The following SMCR8 variants were observed in gnomAD, a reference collection of about 807,000 sequenced individuals.
SMCR8 encodes SMCR8-C9orf72 complex subunit.
A neutral mutation model predicts 56.6 loss-of-function variants in SMCR8; 30 were observed. The observed-to-expected ratio is 0.53, with a 90% CI of 0.40 to 0.72. The LOEUF (loss-of-function observed/expected upper bound fraction) is 0.72, where lower values mean the gene tolerates loss of function less well. Ranked by LOEUF, SMCR8 falls within the 30% of genes least tolerant of loss-of-function variation. SMCR8 has a pLI of 0.00. For synonymous variants in SMCR8, 538 were observed against 456.0 expected (o/e 1.18, Z -2.29); for missense variants, 1,198 against 1,157.0 (o/e 1.04, Z -0.51).
At chr17:18,321,438 C>T (rs1345076361) in intron 1 of SMCR8, among the ~76,000 whole-genome samples, 2 of 152,204 alleles carry the variant, frequency 1.3e-5, no homozygotes, top group Admixed American at 6.5e-5. Flanking sequence ...CCCCACTGGT[C>T]AGTGCTAGGC....
intron 1 of SMCR8, among the ~76,000 whole-genome samples, chr17:18,318,729 C>G (rs1002913258): frequency 3.3e-5 from 5 of 152,164 alleles, no homozygotes; most frequent in Admixed American, 2.0e-4. Flanking sequence ...TCATGGATTC[C>G]TGAGTCACAA....
chr17:18,322,731 C>T lies in SMCR8; in HGVS notation c.2475C>T (p.Thr825=), dbSNP rs1449258399. The T allele has an allele frequency of 6.2e-7, 1 of 1,614,212 alleles. No individual in the cohort carries two copies. The highest frequency in any genetic ancestry group is 8.5e-7 in the Non-Finnish European group (1 of 1,180,024). Residue 825 remains threonine, a synonymous_variant, in exon 2 of 2, where the codon ACC becomes ACT. Coordinates refer to ENST00000406438, the MANE Select transcript of SMCR8 (RefSeq NM_144775.3). ...TGCGCTGCCCCCTTTACAGAGGCAC[C>T]CTGGTGCCCCGCCTGGCAGACCACC... ...KTLRCPLYRG[T]LVPRLADHRT... is the part of the protein sequence containing the mutation.
In SMCR8 at chr17:18,327,237, AAGG is replaced by A. The variant is rs1366921728; in HGVS notation, c.*4177_*4179del. On this transcript the variant is annotated 3_prime_UTR_variant, in exon 2 of 2. Coordinates refer to ENST00000406438, the MANE Select transcript of SMCR8 (RefSeq NM_144775.3). The stretch of plus-strand genomic sequence containing the variant: ...ATTAAGGTTTGGTTAAAGCAGTGGA[AAGG>A]AGGAGGAGGCAGGGGTGGATGGGGG... 2.0e-5 allele frequency: 3 copies of A among 149,780 alleles called. No individual in the cohort carries two copies. In the East Asian group the frequency reaches 6.2e-4, roughly 31 times the overall value. 9.3% of individuals were successfully genotyped at this position (149,780 alleles called of 1,614,324 possible).
intron 1 of SMCR8, 67 bp downstream of exon 1, chr17:18,318,216 A>G (rs1054881991): frequency 2.0e-5 from 30 of 1,465,244 alleles, no homozygotes; most frequent in Non-Finnish European, 2.7e-5. Context: ...GGTGTGGTGG[A>G]GCCAGAATCA....
At chr17:18,321,022 G>C (rs890602955) in intron 1 of SMCR8, among the ~76,000 whole-genome samples, 4 of 152,214 alleles carry the variant, frequency 2.6e-5, no homozygotes, top group African/African-American at 7.2e-5. Context: ...TGCAGGACAA[G>C]AGTTCTAGGT....
Position 18,316,075 on chromosome 17 carries a change from T to C in SMCR8, c.286T>C (p.Ser96Pro). The C allele has an allele frequency of 6.2e-7, 1 of 1,614,194 alleles. No homozygotes were observed. Among genetic ancestry groups the C allele is most frequent in the Non-Finnish European group, 8.5e-7 (1 of 1,180,036 alleles). ...CAATTACTTCTCCCTGCGTATCATG[T>C]CTGTGGATTACCAGGCTTCCTTCGT... The part of the protein sequence containing the change: ...DLNYFSLRIM[S>P]VDYQASFVGH... The change falls in exon 1 of 2, where the codon TCT becomes CCT. Residue 96 changes from serine to proline, a missense_variant. Coordinates refer to ENST00000406438, the MANE Select transcript of SMCR8 (RefSeq NM_144775.3).
Position 18,316,607 on chromosome 17 carries a change from A to T in SMCR8, c.818A>T (p.His273Leu). The change falls in exon 1 of 2, where the codon CAC becomes CTC. Residue 273 changes from histidine (H) to leucine (L), a missense_variant. Transcript: ENST00000406438. The stretch of plus-strand genomic sequence containing the variant: ...GATTTGTGTCCTGGTGAGATGGAGC[A>T]CATCCAGGATCAGGCCAGCCAGGCA... ...GHDLCPGEME[H>L]IQDQASQAST... 1 of 1,614,200 alleles carries T rather than the reference A, an allele frequency of 6.2e-7. No homozygotes were observed. The highest frequency in any genetic ancestry group is 8.5e-7 in the Non-Finnish European group (1 of 1,180,032).
rs913781407 is a variant in SMCR8, at chr17:18,317,751, G to A, written c.1962G>A (p.Pro654=). 25 of 1,613,964 alleles carry A rather than the reference G, an allele frequency of 1.5e-5. No individual in the cohort carries two copies. In the Middle Eastern group the frequency reaches 4.9e-4, roughly 32 times the overall value. The change falls in exon 1 of 2, where the codon CCG becomes CCA. Residue 654 remains proline, a synonymous_variant. Coordinates refer to ENST00000406438, the MANE Select transcript of SMCR8 (RefSeq NM_144775.3). ...CEGFPAYELD[P]SHLLASRDIS... Reference sequence around the variant, plus strand: ...GGTTTCCCGCTTATGAGCTGGACCCGAGCCACCTGCTGGCTAGCCGGGACA... The same window carrying A: ...GGTTTCCCGCTTATGAGCTGGACCCAAGCCACCTGCTGGCTAGCCGGGACA...
Position 18,315,907 on chromosome 17 carries a change from C to G in SMCR8, c.118C>G (p.Gln40Glu). Residue 40 changes from glutamine to glutamate, a missense_variant, in exon 1 of 2, where the codon CAG becomes GAG. Physicochemically the swap from Gln to Glu is conservative, Grantham distance 29 (BLOSUM62 2). Transcript: ENST00000406438. ...YSVPLFPFAS[Q>E]GANPWSKLSG... The stretch of plus-strand genomic sequence containing the variant: ...GGTGCCGCTCTTCCCCTTCGCCAGT[C>G]AGGGTGCTAACCCCTGGTCAAAACT... 1 of 1,614,202 alleles carries G rather than the reference C, an allele frequency of 6.2e-7. No homozygotes were observed. Among genetic ancestry groups the G allele is most frequent in the Non-Finnish European group, 8.5e-7 (1 of 1,180,044 alleles).
intron 1 of SMCR8, among the ~76,000 whole-genome samples, chr17:18,318,805 C>T (rs1411753251): frequency 6.6e-6 from 1 of 152,202 alleles, no homozygotes; most frequent in African/African-American, 2.4e-5. Flanking sequence ...CCATTGCCAG[C>T]CCGACTGCAG....
Position 18,317,710 on chromosome 17 carries a change from G to A in SMCR8, c.1921G>A (p.Asp641Asn). Reference sequence around the variant, plus strand: ...GGAAAATGCCAACCCTTCTTCCCGAGACAACAGTTGTGAAGGGTTTCCCGC... The same window carrying A: ...GGAAAATGCCAACCCTTCTTCCCGAAACAACAGTTGTGAAGGGTTTCCCGC... ...SVENANPSSR[D>N]NSCEGFPAYE... The change falls in exon 1 of 2, where the codon GAC becomes AAC. Residue 641 changes from aspartate (D) to asparagine (N), a missense_variant. Transcript: ENST00000406438. 6.2e-7 allele frequency: 1 copy of A among 1,614,172 alleles called. No homozygotes were observed. Among genetic ancestry groups the A allele is most frequent in the Non-Finnish European group, 8.5e-7 (1 of 1,180,048 alleles).
intron 1 of SMCR8, among the ~76,000 whole-genome samples, chr17:18,322,271 A>G (rs965684693): frequency 2.6e-5 from 4 of 152,264 alleles, no homozygotes; most frequent in African/African-American, 7.2e-5. Flanking sequence ...TCGGCCTCCC[A>G]AAGTGCTGGG....
At position 18,316,906 on chromosome 17, in the gene SMCR8, G is replaced by T; in HGVS notation, c.1117G>T (p.Glu373Ter). ...ACAGCATATAACAAACTTTCTCTTT[G>T]AAGACTTTGTGGAGGTCGATGACAG... is the stretch of plus-strand genomic sequence containing the variant. ...KQQHITNFLFEDFVEVDDRMV... is the reference protein window; with the variant it reads ...KQQHITNFLF The change falls in exon 1 of 2, where the codon GAA (glutamate) becomes TAA (stop). Residue 373 changes from glutamate (E) to a stop codon, truncating the protein, a stop_gained. Coordinates refer to ENST00000406438, the MANE Select transcript of SMCR8 (RefSeq NM_144775.3). LOFTEE classifies it high-confidence loss of function. 6.2e-7 allele frequency: 1 copy of T among 1,614,196 alleles called. No individual in the cohort carries two copies. Among genetic ancestry groups the T allele is most frequent in the Non-Finnish European group, 8.5e-7 (1 of 1,180,038 alleles).
At chr17:18,322,496 G>A (rs1259052906) in intron 1 of SMCR8, 121 bp from the exon 2 acceptor site, 6 of 801,602 alleles carry the variant, frequency 7.5e-6, no homozygotes, top group Non-Finnish European at 1.2e-5. Flanking sequence ...CTTCCAGGAA[G>A]AGCCAGTGCA....
At position 18,316,328 on chromosome 17, in the gene SMCR8, C is replaced by T; in HGVS notation, c.539C>T (p.Ser180Phe). ...CTTTCAGCCGAATTTTCCAGAGCTTCTGAGTGCTTGAAGACTGGCAACAGG... is the reference window on the plus strand; with the variant it reads ...CTTTCAGCCGAATTTTCCAGAGCTTTTGAGTGCTTGAAGACTGGCAACAGG... ...QELSAEFSRA[S>F]ECLKTGNRKA... The change falls in exon 1 of 2, where the codon TCT becomes TTT. Residue 180 changes from serine (S) to phenylalanine (F), a missense_variant. Coordinates refer to ENST00000406438, the MANE Select transcript of SMCR8 (RefSeq NM_144775.3). 6.2e-7 allele frequency: 1 copy of T among 1,614,158 alleles called. No homozygotes were observed. The highest frequency in any genetic ancestry group is 8.5e-7 in the Non-Finnish European group (1 of 1,180,036).
At chr17:18,318,841 G>A (rs9898323) in intron 1 of SMCR8, among the ~76,000 whole-genome samples, 3,650 of 152,288 alleles carry the variant, frequency 0.024, 165 homozygotes, top group African/African-American at 0.084. Flanking sequence ...AAAAGCAAAA[G>A]GCCCATCAGA....
Position 18,322,706 on chromosome 17 carries a change from T to C in SMCR8, c.2450T>C (p.Leu817Pro), listed in dbSNP as rs1982536051. 1 of 1,614,100 alleles carries C rather than the reference T, an allele frequency of 6.2e-7. No individual in the cohort carries two copies. Residue 817 changes from leucine to proline, a missense_variant, in exon 2 of 2, where the codon CTG (leucine) becomes CCG (proline). Coordinates refer to ENST00000406438, the MANE Select transcript of SMCR8 (RefSeq NM_144775.3). ...ATCCTGGACCTTGACAACAAAACCC[T>C]GCGCTGCCCCCTTTACAGAGGCACC... Reference protein sequence around the residue: ...TSILDLDNKTLRCPLYRGTLV... With the variant: ...TSILDLDNKTPRCPLYRGTLV...
rs781188444 is a variant in SMCR8 at position 18,322,883 on chromosome 17, CAGA to C, written c.2628_2630del (p.Glu878del). On this transcript the variant is annotated inframe_deletion, in exon 2 of 2. Coordinates refer to ENST00000406438, the MANE Select transcript of SMCR8 (RefSeq NM_144775.3). ...CACCTGCCTACCCACGACAAGGAGACAGAGGAGCTGGTAGCCAGCCGCCAGATG... is the reference window on the plus strand; with the variant it reads ...CACCTGCCTACCCACGACAAGGAGACGGAGCTGGTAGCCAGCCGCCAGATG... The C allele has an allele frequency of 3.1e-6, 5 of 1,614,144 alleles. No individual in the cohort carries two copies. Among genetic ancestry groups the C allele is most frequent in the East Asian group, 4.5e-5 (2 of 44,876 alleles).
chr17:18,318,185 CA>C lies in SMCR8; in HGVS notation c.2360+37del, dbSNP rs746953152. The C allele has an allele frequency of 5.1e-6, 8 of 1,581,538 alleles. No homozygotes were observed. The South Asian group carries it at 8.0e-5, about 16-fold the overall frequency. On this transcript the variant is annotated intron_variant, in intron 1 of 1. Transcript: ENST00000406438. ...CCAGGTGGTGGGGAAGGGCCTTGGC[CA>C]GATAGGGATGAGGTATATTGGTGTG...
Sources: allele counts gnomAD v4.1 joint callset (sites outside exome capture counted in the v4.1 genomes callset), GRCh38; gene constraint gnomAD v4.1.1; transcripts MANE v1.5; gene names NCBI Gene and HGNC (gene_info 2026-07-23, HGNC 2026-07-21).